CHST9: variants seen among roughly 807,000 people sequenced by gnomAD.
The protein encoded by CHST9 is carbohydrate sulfotransferase 9.
CHST9 carries 41 observed loss-of-function variants against 44.4 expected under a neutral mutation model. The ratio of observed to expected loss-of-function variants is 0.92; its 90% confidence interval spans 0.72 to 1.20. The LOEUF is 1.20. CHST9 is among the 50% of genes most tolerant of loss of function. The pLI is 0.00. For missense variants in CHST9, 504 were observed against 516.5 expected, an observed-to-expected ratio of 0.98 and a Z score of 0.23; for synonymous variants, 171 against 178.4, an observed-to-expected ratio of 0.96 and a Z score of 0.33.
intron 4 of CHST9, among the ~76,000 whole-genome samples, chr18:27,017,972 A>C (rs1436906): frequency 0.13 from 20,487 of 152,190 alleles, 1,461 homozygotes; most frequent in East Asian, 0.26. Flanking sequence ...GTTTCCTTAG[A>C]TTAAGCCTCA....
At chr18:27,019,689 CAAAAAAAAAAA>C (rs60043018) in intron 4 of CHST9, among the ~76,000 whole-genome samples, 3 of 91,312 alleles carry the variant, frequency 3.3e-5, no homozygotes, top group Non-Finnish European at 6.3e-5. Context: ...CACTACATGG[CAAAAAAAAAAA>C]AAAAAAAAAA....
At chr18:27,084,450 C>T (rs1043265661) in intron 2 of CHST9, among the ~76,000 whole-genome samples, 1 of 108,654 alleles carries the variant, frequency 9.2e-6, no homozygotes, top group South Asian at 3.2e-4. Context: ...GTTCATAACA[C>T]TCGCTGGGTT....
At position 26,916,181 on chromosome 18, in the gene CHST9, G is replaced by A; in HGVS notation, c.*78C>T. The A allele has an allele frequency of 8.6e-7, 1 of 1,156,080 alleles. No individual in the cohort carries two copies. Among genetic ancestry groups the A allele is most frequent in the Non-Finnish European group, 1.2e-6 (1 of 813,780 alleles). 71.6% of individuals were successfully genotyped at this position (1,156,080 alleles called of 1,614,324 possible). ...CACTTGGTTAAATTTCTGTCATACA[G>A]AGAATTATAGAAAAATTACAGCTGA... On this transcript the variant is annotated 3_prime_UTR_variant, in exon 6 of 6. Coordinates refer to ENST00000618847, the MANE Select transcript of CHST9 (RefSeq NM_031422.6).
chr18:27,143,391 C>A (rs1450673616), intron 1 of CHST9, among the ~76,000 whole-genome samples: 1 of 152,048 alleles, frequency 6.6e-6, no homozygotes, highest in Non-Finnish European at 1.5e-5. Flanking sequence ...TTAAAGAGCA[C>A]ATTTAAAATC....
At chr18:26,982,324 C>CTG (rs1478342661) in intron 4 of CHST9, among the ~76,000 whole-genome samples, 2 of 146,968 alleles carry the variant, frequency 1.4e-5, no homozygotes, top group Non-Finnish European at 3.0e-5. Flanking sequence ...TTTATCAAAG[C>CTG]TAAACTCCTT....
At chr18:27,108,828 G>GTT (rs1280738426) in intron 2 of CHST9, among the ~76,000 whole-genome samples, 1 of 152,138 alleles carries the variant, frequency 6.6e-6, no homozygotes, top group Non-Finnish European at 1.5e-5. Context: ...ATTATTCTTT[G>GTT]TTTTTTGTTT....
Position 26,916,782 on chromosome 18 carries a change from A to C in CHST9, c.809T>G (p.Leu270Ter). ...AAACACAGCTTTGGTGTAAGTATTT[A>C]AGCGGGTATATATCCCTTTTAGGTC... ...SFDLKGIYTR[L>*]NTYTKAVFVR... is the part of the protein sequence containing the mutation. Residue 270 changes from leucine to a stop codon, truncating the protein, a stop_gained, in exon 6 of 6, where the codon TTA becomes TGA. Transcript: ENST00000618847. LOFTEE classifies it high-confidence loss of function. 2 of 1,613,900 alleles carry C rather than the reference A, an allele frequency of 1.2e-6. No homozygotes were observed. The highest frequency in any genetic ancestry group is 1.7e-6 in the Non-Finnish European group (2 of 1,179,866).
chr18:27,020,552 A>T (rs1312660633), intron 4 of CHST9, among the ~76,000 whole-genome samples: 1 of 152,198 alleles, frequency 6.6e-6, no homozygotes, highest in Non-Finnish European at 1.5e-5. Flanking sequence ...TTCAAATGTT[A>T]TTCATGGGAG....
chr18:27,136,069 G>C (rs2058510990), intron 2 of CHST9, among the ~76,000 whole-genome samples: 1 of 152,160 alleles, frequency 6.6e-6, no homozygotes, highest in African/African-American at 2.4e-5. Flanking sequence ...TAGTAAATCA[G>C]TAACTCTGGG....
chr18:27,134,724 A>G (rs2058499673), intron 2 of CHST9, among the ~76,000 whole-genome samples: 1 of 152,214 alleles, frequency 6.6e-6, no homozygotes, highest in African/African-American at 2.4e-5. Flanking sequence ...GTGCCTTAGC[A>G]TTGCTAAGCC....
At chr18:26,931,889 G>C (rs1219608210) in intron 5 of CHST9, among the ~76,000 whole-genome samples, 1 of 151,948 alleles carries the variant, frequency 6.6e-6, no homozygotes, top group East Asian at 1.9e-4. Flanking sequence ...ATTAATTGCT[G>C]GAGGTGGGAT....
At chr18:26,924,217 A>G (rs2055719712) in intron 5 of CHST9, among the ~76,000 whole-genome samples, 1 of 152,156 alleles carries the variant, frequency 6.6e-6, no homozygotes, top group East Asian at 1.9e-4. Flanking sequence ...ATGGGGTAAG[A>G]ATGAAGAAAA....
intron 5 of CHST9, among the ~76,000 whole-genome samples, chr18:26,918,715 G>GCA (rs1402278089): frequency 6.6e-6 from 1 of 152,122 alleles, no homozygotes; most frequent in Non-Finnish European, 1.5e-5. Flanking sequence ...GAGGAATGAA[G>GCA]CACCGTTCAT....
chr18:27,089,016 A>G (rs1277772640), intron 2 of CHST9, among the ~76,000 whole-genome samples: 2 of 152,240 alleles, frequency 1.3e-5, no homozygotes, highest in Non-Finnish European at 2.9e-5. Context: ...ATTAAAACAT[A>G]TAAGCTAACA....
intron 2 of CHST9, among the ~76,000 whole-genome samples, chr18:27,054,061 G>A (rs1453374202): frequency 3.3e-5 from 5 of 152,086 alleles, no homozygotes; most frequent in South Asian, 2.1e-4. Flanking sequence ...AGGACAAGTC[G>A]AGAGTCCCAT....
At chr18:27,089,028 C>G (rs2058040702) in intron 2 of CHST9, among the ~76,000 whole-genome samples, 1 of 152,208 alleles carries the variant, frequency 6.6e-6, no homozygotes, top group Admixed American at 6.5e-5. Context: ...AAGCTAACAG[C>G]CTGGTTAGTT....
At chr18:26,943,810 A>C (rs1350638523) in intron 5 of CHST9, among the ~76,000 whole-genome samples, 1 of 152,216 alleles carries the variant, frequency 6.6e-6, no homozygotes, top group Admixed American at 6.5e-5. Context: ...AGATGGGATA[A>C]GAAAACCATG....
chr18:27,013,633 A>G (rs974760823), intron 4 of CHST9, among the ~76,000 whole-genome samples: 2 of 152,196 alleles, frequency 1.3e-5, no homozygotes, highest in Non-Finnish European at 2.9e-5. Context: ...CTGTGCAATT[A>G]ATATCATTAT....
In CHST9 at chr18:27,014,453, C is replaced by CAAAAAAAAAA; in HGVS notation, c.202+9653_202+9662dup. On this transcript the variant is annotated intron_variant, in intron 4 of 5. Coordinates refer to ENST00000618847, the MANE Select transcript of CHST9 (RefSeq NM_031422.6). Reference sequence around the variant, plus strand: ...TGGGCGACAGAGCGAGACTCTGTCTCAAAAAAAAAAAAAAAAAAAAAAAAA... The same window carrying CAAAAAAAAAA: ...TGGGCGACAGAGCGAGACTCTGTCTCAAAAAAAAAAAAAAAAAAAAAAAAAAAAAAAAAAA... Among the ~76,000 whole-genome samples, 47 of 39,442 alleles carry CAAAAAAAAAA rather than the reference C, an allele frequency of 1.2e-3. 5 individuals carry two copies. Among genetic ancestry groups the CAAAAAAAAAA allele is most frequent in the Non-Finnish European group, 1.4e-3 (33 of 24,034 alleles). The allele number at this position is 39,442 out of a possible 152,430, so 25.9% of individuals were successfully genotyped here. A position where few individuals can be genotyped will look rare whatever the true frequency, so the allele number is the denominator to read the frequency against.
Sources: gnomAD v4.1 joint callset for allele counts (sites outside exome capture counted in the v4.1 genomes callset) on GRCh38, gnomAD v4.1.1 for gene constraint, MANE v1.5 for transcripts, NCBI Gene and HGNC (gene_info 2026-07-23, HGNC 2026-07-21) for gene names.